The following PIWIL2 variants were observed in gnomAD, a reference collection of about 807,000 sequenced individuals.
PIWIL2 encodes piwi like RNA-mediated gene silencing 2.
Under a neutral mutation model 116.5 loss-of-function variants are expected in PIWIL2, and 81 were observed. That is an observed-to-expected ratio of 0.70 (90% confidence interval 0.58 to 0.84). The LOEUF (loss-of-function observed/expected upper bound fraction) is 0.84. Among genes scored for constraint, PIWIL2 ranks in the 40% least tolerant of loss-of-function variants. The pLI is 0.00. For synonymous variants in PIWIL2, 489 were observed against 429.5 expected (o/e 1.14, Z -1.71); for missense variants, 1,272 against 1,212.3 (o/e 1.05, Z -0.73).
chr8:22,351,698 T>G (rs1227637173), intron 20 of PIWIL2, among the ~76,000 whole-genome samples: 1 of 150,398 alleles, frequency 6.6e-6, no homozygotes, highest in African/African-American at 2.4e-5. Flanking sequence ...CCACCACACC[T>G]GGCTAATTTT....
At position 22,306,099 on chromosome 8, in the gene PIWIL2, C is replaced by T. The variant is rs186273647; in HGVS notation, c.1545+83C>T. 212 of 906,000 alleles carry T rather than the reference C, an allele frequency of 2.3e-4. No individual in the cohort carries two copies. In the African/African-American group the frequency reaches 3.1e-3, roughly 13 times the overall value. The allele number at this position is 906,000 out of a possible 1,614,324, so 56.1% of individuals were successfully genotyped here. A position where few individuals can be genotyped will look rare whatever the true frequency, so the allele number is the denominator to read the frequency against. On this transcript the variant is annotated intron_variant, in intron 13 of 22. Transcript: ENST00000356766. ...AACAGTTTGAGTTAGAACCGAGCCA[C>T]GTTCCAACTCTGATGTTGGCTTGCA... is the stretch of plus-strand genomic sequence containing the variant.
rs768769441 is a variant in PIWIL2, at chr8:22,355,485, G to T, written c.2902G>T (p.Glu968Ter). 6.2e-7 allele frequency: 1 copy of T among 1,613,984 alleles called. No individual in the cohort carries two copies. Among genetic ancestry groups the T allele is most frequent in the Non-Finnish European group, 8.5e-7 (1 of 1,180,030 alleles). ...LHHEPAIQLC[E>*]NLFFL ...TCATGAACCAGCCATCCAGCTGTGC[G>T]AGAACCTGTTCTTCCTGTGACTGCA... The change falls in exon 23 of 23, where the codon GAG becomes TAG. Residue 968 changes from glutamate (E) to a stop codon, truncating the protein, a stop_gained. Transcript: ENST00000356766. LOFTEE classifies it high-confidence loss of function.
chr8:22,309,359 G>C (rs902614388), intron 14 of PIWIL2, among the ~76,000 whole-genome samples: 9 of 151,514 alleles, frequency 5.9e-5, no homozygotes, highest in Non-Finnish European at 1.2e-4. Context: ...AAGTTTTTTT[G>C]AGACAGAGTC....
At chr8:22,319,100 A>G (rs1831536278) in intron 20 of PIWIL2, among the ~76,000 whole-genome samples, 1 of 152,226 alleles carries the variant, frequency 6.6e-6, no homozygotes, top group Non-Finnish European at 1.5e-5. Context: ...TGGCCAGTAC[A>G]TCAAAGGAAG....
intron 20 of PIWIL2, among the ~76,000 whole-genome samples, chr8:22,324,428 C>A (rs529561586): frequency 1.3e-5 from 2 of 152,186 alleles, no homozygotes; most frequent in South Asian, 4.1e-4. Context: ...GCAATACTAG[C>A]CTAGCAAACG....
intron 20 of PIWIL2, among the ~76,000 whole-genome samples, chr8:22,327,237 A>G (rs1398804889): frequency 6.6e-6 from 1 of 151,476 alleles, no homozygotes; most frequent in East Asian, 1.9e-4. Context: ...GGGTTTCACC[A>G]TGTTGGCCAG....
In PIWIL2 at chr8:22,287,515, C is replaced by T. The variant is rs76117503; in HGVS notation, c.744-13C>T. The T allele has an allele frequency of 3.3e-4, 510 of 1,553,984 alleles. No individual in the cohort carries two copies. Among genetic ancestry groups the T allele is most frequent in the Non-Finnish European group, 4.2e-4 (467 of 1,124,988 alleles). ...AGTCAAGTTAAAGGAAAATCCTCTTCATTATTTTCCAGCCCCAATGTGGAG... is the reference window on the plus strand; with the variant it reads ...AGTCAAGTTAAAGGAAAATCCTCTTTATTATTTTCCAGCCCCAATGTGGAG... On this transcript the variant is annotated splice_polypyrimidine_tract_variant and intron_variant, in intron 6 of 22. Transcript: ENST00000356766.
chr8:22,323,114 G>A (rs9792133), intron 20 of PIWIL2, among the ~76,000 whole-genome samples: 71,595 of 144,762 alleles, frequency 0.49, 19,270 homozygotes, highest in East Asian at 0.82. Flanking sequence ...GGGTTTCACT[G>A]TGTGGGCTAG....
intron 20 of PIWIL2, among the ~76,000 whole-genome samples, chr8:22,351,447 ATATATATATATATATATATATATAT>A (rs1186452917): frequency 2.2e-5 from 1 of 45,886 alleles, no homozygotes; most frequent in African/African-American, 1.1e-4. Context: ...ATACATATAT[ATATATATATATATATATATATATAT>A]ATATATATAT....
intron 6 of PIWIL2, 42 bp downstream of exon 6, chr8:22,284,314 C>T (rs769787984): frequency 4.2e-5 from 44 of 1,041,324 alleles, no homozygotes; most frequent in Middle Eastern, 2.1e-4. Context: ...TCTTAAAGGG[C>T]AGTAAAAAAA....
Position 22,311,297 on chromosome 8 carries a change from T to C in PIWIL2, c.1986T>C (p.Ala662=). ...YVRTIQSTLG[A]EGKIQMVVCI... ...GAACCATTCAATCCACGTTAGGAGC[T>C]GAGGTAAAAATGTAATTCAAATAAA... The change falls in exon 16 of 23, where the codon GCT becomes GCC. Residue 662 remains alanine, a synonymous_variant. Transcript: ENST00000356766. The C allele has an allele frequency of 6.3e-7, 1 of 1,596,690 alleles. No homozygotes were observed. Among genetic ancestry groups the C allele is most frequent in the Non-Finnish European group, 8.5e-7 (1 of 1,173,238 alleles).
At chr8:22,324,878 C>CA (rs1422496070) in intron 20 of PIWIL2, among the ~76,000 whole-genome samples, 1 of 152,194 alleles carries the variant, frequency 6.6e-6, no homozygotes, top group Non-Finnish European at 1.5e-5. Context: ...AGCCAAGAGA[C>CA]ACCTGAGAAT....
At chr8:22,332,096 A>C (rs1000970226) in intron 20 of PIWIL2, among the ~76,000 whole-genome samples, 8 of 152,100 alleles carry the variant, frequency 5.3e-5, no homozygotes, top group African/African-American at 1.7e-4. Context: ...TCACTTATGA[A>C]GTCAGGTGTT....
At chr8:22,345,168 A>C (rs1832196752) in intron 20 of PIWIL2, among the ~76,000 whole-genome samples, 1 of 152,242 alleles carries the variant, frequency 6.6e-6, no homozygotes, top group Admixed American at 6.5e-5. Context: ...CAGCCAGGGC[A>C]ACATAGACTC....
chr8:22,291,953 CA>C (rs949357189), intron 10 of PIWIL2, among the ~76,000 whole-genome samples: 1 of 151,904 alleles, frequency 6.6e-6, no homozygotes, highest in African/African-American at 2.4e-5. Flanking sequence ...AGTAGTGGGG[CA>C]GGGGGCGGAG....
chr8:22,300,400 T>C (rs562447540), intron 10 of PIWIL2, among the ~76,000 whole-genome samples: 1 of 152,364 alleles, frequency 6.6e-6, no homozygotes, highest in African/African-American at 2.4e-5. Context: ...TACCACAATT[T>C]ATTCACCCAT....
At chr8:22,350,098 A>C (rs35299944) in intron 20 of PIWIL2, among the ~76,000 whole-genome samples, 4,214 of 152,310 alleles carry the variant, frequency 0.028, 95 homozygotes, top group Non-Finnish European at 0.037. Context: ...TAGATTCTGC[A>C]GTGCACAGGA....
chr8:22,323,234 G>C (rs1443161794), intron 20 of PIWIL2, among the ~76,000 whole-genome samples: 1 of 134,008 alleles, frequency 7.5e-6, no homozygotes, highest in Non-Finnish European at 1.5e-5. Flanking sequence ...TGCAACCTCC[G>C]CCTCCCGGGT....
intron 20 of PIWIL2, among the ~76,000 whole-genome samples, chr8:22,336,869 A>T (rs547145138): frequency 1.3e-5 from 2 of 152,206 alleles, no homozygotes; most frequent in South Asian, 2.1e-4. Context: ...TAGACCATTT[A>T]TGAAAAATAG....
Sources: allele counts gnomAD v4.1 joint callset (sites outside exome capture counted in the v4.1 genomes callset), GRCh38; gene constraint gnomAD v4.1.1; transcripts MANE v1.5; gene names NCBI Gene and HGNC (gene_info 2026-07-23, HGNC 2026-07-21).